Variants in BCL2L13 observed in about 807,000 individuals in gnomAD.
BCL2L13 encodes bcl-2-like protein 13.
BCL2L13 carries 13 observed loss-of-function variants against 25.8 expected under a neutral mutation model. That is an observed-to-expected ratio of 0.50 (90% CI 0.33 to 0.80). The LOEUF (loss-of-function observed/expected upper bound fraction) is 0.80. Among genes scored for constraint, BCL2L13 ranks in the 30% least tolerant of loss-of-function variants. The probability of loss-of-function intolerance (pLI) is 0.02; values close to 1 mark genes in which losing one functional copy is unlikely to be tolerated. For synonymous variants in BCL2L13, 244 were observed against 230.3 expected (o/e 1.06, Z -0.54); for missense variants, 504 against 574.9 (o/e 0.88, Z 1.26).
At chr22:17,633,645 G>A (rs2058063414), upstream of BCL2L13, among the ~76,000 whole-genome samples, 1 of 152,084 alleles carries the variant, frequency 6.6e-6, no homozygotes, top group Admixed American at 6.6e-5. Context: ...TTGCTCAGGA[G>A]GACAAAGCGC....
chr22:17,693,513 G>A (rs1407252963), intron 4 of BCL2L13, among the ~76,000 whole-genome samples: 1 of 151,658 alleles, frequency 6.6e-6, no homozygotes, highest in Non-Finnish European at 1.5e-5. Flanking sequence ...CTGAGTAGCT[G>A]GGATTACAGG....
intron 1 of BCL2L13, among the ~76,000 whole-genome samples, chr22:17,633,414 T>C (rs1319566722): frequency 6.6e-6 from 1 of 152,238 alleles, no homozygotes; most frequent in Non-Finnish European, 1.5e-5. Flanking sequence ...AAATGTAATT[T>C]TCTCCTACAT....
At chr22:17,687,801 G>A (rs1852193609) in intron 3 of BCL2L13, among the ~76,000 whole-genome samples, 1 of 147,180 alleles carries the variant, frequency 6.8e-6, no homozygotes, top group Non-Finnish European at 1.5e-5. Flanking sequence ...ACAGGCGTGA[G>A]CCACCGCACC....
rs11443889 is a variant in BCL2L13, at chr22:17,640,898, A to ATTT, written c.-51+2020_-51+2022dup. Reference sequence around the variant, plus strand: ...ATTAATTTTTTATATATATATATATATTTTTTTTTTGAGGCGGAGTGTCGC... The same window carrying ATTT: ...ATTAATTTTTTATATATATATATATATTTTTTTTTTTTTGAGGCGGAGTGTCGC... On this transcript the variant is annotated intron_variant, in intron 1 of 6. Coordinates refer to ENST00000317582, the MANE Select transcript of BCL2L13 (RefSeq NM_015367.4). 4.8e-5 allele frequency among the ~76,000 whole-genome samples: 7 copies of ATTT among 145,844 alleles called. No individual in the cohort carries two copies. In the East Asian group the frequency reaches 8.1e-4, roughly 17 times the overall value.
chr22:17,684,818 C>A (rs537897819), intron 3 of BCL2L13: 68 of 338,586 alleles, frequency 2.0e-4, no homozygotes, highest in African/African-American at 1.4e-3. Flanking sequence ...CTGCAAGCTC[C>A]GCCTCCTGGG....
intron 6 of BCL2L13, among the ~76,000 whole-genome samples, chr22:17,717,165 C>T (rs1009581417): frequency 2.0e-5 from 3 of 152,066 alleles, no homozygotes; most frequent in Non-Finnish European, 4.4e-5. Context: ...TTTTCTCTTT[C>T]ATTCTTTAAG....
chr22:17,702,588 G>A (rs898352792), intron 6 of BCL2L13: 8 of 425,010 alleles, frequency 1.9e-5, no homozygotes, highest in African/African-American at 1.6e-4. Flanking sequence ...CACAGGCTGG[G>A]ACTATAGGTG....
At chr22:17,725,742 C>T (rs183209787) in intron 6 of BCL2L13, among the ~76,000 whole-genome samples, 25 of 151,710 alleles carry the variant, frequency 1.6e-4, no homozygotes, top group African/African-American at 5.6e-4. Context: ...TGCTTGGGAT[C>T]AGAAGTGTTT....
At chr22:17,657,826 T>TTTTTTC (rs2058929669) in intron 2 of BCL2L13, among the ~76,000 whole-genome samples, 2 of 90,660 alleles carry the variant, frequency 2.2e-5, no homozygotes, top group African/African-American at 6.4e-5. Context: ...GACATTTCTT[T>TTTTTTC]TTTTTTTTTT....
At chr22:17,652,315 G>A (rs1444071955) in intron 1 of BCL2L13, among the ~76,000 whole-genome samples, 1 of 152,164 alleles carries the variant, frequency 6.6e-6, no homozygotes, top group Non-Finnish European at 1.5e-5. Flanking sequence ...TAGGATTACA[G>A]ATGTGAACCA....
chr22:17,648,722 G>A (rs2058577465), intron 1 of BCL2L13, among the ~76,000 whole-genome samples: 1 of 151,814 alleles, frequency 6.6e-6, no homozygotes, highest in South Asian at 2.1e-4. Flanking sequence ...AGAGTTAAAG[G>A]TGGAAGATGA....
At chr22:17,681,903 A>G (rs1411787037) in intron 2 of BCL2L13, among the ~76,000 whole-genome samples, 1 of 152,166 alleles carries the variant, frequency 6.6e-6, no homozygotes, top group African/African-American at 2.4e-5. Flanking sequence ...ACTGAGGATA[A>G]TAGTAATACC....
In BCL2L13 at chr22:17,717,283, C is replaced by T. The variant is rs3788278; in HGVS notation, c.601-9394C>T. Among the ~76,000 whole-genome samples, 910 of 150,378 alleles carry T rather than the reference C, an allele frequency of 6.1e-3. 48 individuals are homozygous for T. The East Asian group carries it at 0.14, about 22-fold the overall frequency. ...AGGAGTTCAAAACCAGTGTGGCTGA[C>T]GTGGTGAAAACCCATCTTCAGTGAA... On this transcript the variant is annotated intron_variant, in intron 6 of 6. Transcript: ENST00000317582.
At chr22:17,688,956 T>C (rs2086793220) in intron 3 of BCL2L13, 30 bp from the exon 4 acceptor site, 3 of 1,600,934 alleles carry the variant, frequency 1.9e-6, no homozygotes, top group Non-Finnish European at 2.6e-6. Context: ...TTGTTTATTA[T>C]ATTAGGTTTT....
intron 2 of BCL2L13, among the ~76,000 whole-genome samples, chr22:17,661,938 C>G (rs1395683897): frequency 1.3e-5 from 2 of 150,364 alleles, no homozygotes; most frequent in East Asian, 3.9e-4. Flanking sequence ...TTGTGGTGAG[C>G]CAAAATTGCA....
intron 4 of BCL2L13, among the ~76,000 whole-genome samples, chr22:17,695,391 G>A (rs777526228): frequency 1.6e-4 from 25 of 152,156 alleles, no homozygotes; most frequent in Admixed American, 6.5e-4. Flanking sequence ...GTGCGATCTC[G>A]GCTCACTGCA....
rs138198180 is a variant in BCL2L13 at position 17,687,140 on chromosome 22, A to G, written c.230-1846A>G. ...AGTAAGCGTTAGATTAATGCAATAA[A>G]TACTTAATGCAGATGACGGCTAAAT... On this transcript the variant is annotated intron_variant, in intron 3 of 6. Transcript: ENST00000317582. Among the ~76,000 whole-genome samples, 56 of 152,310 alleles carry G rather than the reference A, an allele frequency of 3.7e-4. 2 individuals carry two copies. Among genetic ancestry groups the G allele is most frequent in the African/African-American group, 1.3e-3 (55 of 41,572 alleles).
At chr22:17,703,930 AAT>A (rs1159633328) in intron 6 of BCL2L13, among the ~76,000 whole-genome samples, 3 of 152,206 alleles carry the variant, frequency 2.0e-5, no homozygotes, top group Non-Finnish European at 4.4e-5. Context: ...AAATGCAGGG[AAT>A]ATTATGCACT....
At chr22:17,642,780 A>G (rs1217726978) in intron 1 of BCL2L13, among the ~76,000 whole-genome samples, 2 of 151,864 alleles carry the variant, frequency 1.3e-5, no homozygotes, top group Non-Finnish European at 2.9e-5. Context: ...TATTTTTTGT[A>G]GAGATGGGGT....
Sources: gnomAD v4.1 joint callset for allele counts (sites outside exome capture counted in the v4.1 genomes callset) on GRCh38, gnomAD v4.1.1 for gene constraint, MANE v1.5 for transcripts, NCBI Gene and HGNC (gene_info 2026-07-23, HGNC 2026-07-21) for gene names.